Variants in MND1 observed in about 807,000 individuals in gnomAD.
MND1 encodes meiotic nuclear divisions 1, also known as meiotic nuclear division protein 1 homolog.
In MND1, 28 loss-of-function variants were observed where a neutral mutation model predicts 35.1. The ratio of observed to expected loss-of-function variants is 0.80; its 90% CI spans 0.59 to 1.09. The LOEUF is 1.09. Among genes scored for constraint, MND1 ranks in the 50% least tolerant of loss-of-function variants. The pLI, the probability that MND1 is intolerant of heterozygous loss-of-function variation, is 0.00. For synonymous variants in MND1, 69 were observed against 70.5 expected (o/e 0.98, Z 0.11); for missense variants, 213 against 239.6 (o/e 0.89, Z 0.73).
chr4:153,358,853 T>C (rs1265406094), intron 4 of MND1, among the ~76,000 whole-genome samples: 1 of 152,210 alleles, frequency 6.6e-6, no homozygotes, highest in Non-Finnish European at 1.5e-5. Flanking sequence ...GTTTTTATTG[T>C]TTTTTAATTT....
intron 4 of MND1, among the ~76,000 whole-genome samples, chr4:153,389,172 C>T (rs1006508230): frequency 7.9e-5 from 12 of 152,094 alleles, no homozygotes; most frequent in Non-Finnish European, 1.3e-4. Flanking sequence ...CAATCTAGTC[C>T]TTGGATTTAA....
At chr4:153,393,388 T>C (rs1729101486) in intron 4 of MND1, among the ~76,000 whole-genome samples, 1 of 140,036 alleles carries the variant, frequency 7.1e-6, no homozygotes, top group Admixed American at 7.0e-5. Context: ...TTTTTTTTTT[T>C]GAAACAGGGT....
intron 4 of MND1, among the ~76,000 whole-genome samples, chr4:153,384,508 G>A (rs1184530743): frequency 7.4e-6 from 1 of 135,940 alleles, no homozygotes; most frequent in Non-Finnish European, 1.5e-5. Context: ...GGCCAGGCTG[G>A]TCTCAAACTC....
chr4:153,345,576 A>T, intron 1 of MND1: 11 of 979,784 alleles, frequency 1.1e-5, no homozygotes, highest in Non-Finnish European at 1.3e-5. Context: ...TCAAAGTTTC[A>T]TGCCGTTTTT....
chr4:153,348,483 G>T (rs1045048364), intron 1 of MND1, among the ~76,000 whole-genome samples: 2 of 152,180 alleles, frequency 1.3e-5, no homozygotes, highest in African/African-American at 4.8e-5. Context: ...TGAGATCAAA[G>T]ATAAGATATT....
intron 4 of MND1, among the ~76,000 whole-genome samples, chr4:153,367,909 G>A (rs1237252247): frequency 6.6e-6 from 1 of 152,062 alleles, no homozygotes; most frequent in African/African-American, 2.4e-5. Context: ...TTGTGGTTTT[G>A]GCTTCCATTT....
At chr4:153,381,195 G>A (rs541616779) in intron 4 of MND1, among the ~76,000 whole-genome samples, 6 of 152,130 alleles carry the variant, frequency 3.9e-5, no homozygotes, top group South Asian at 2.1e-4. Flanking sequence ...CACTGCGCCC[G>A]GCCAGAGATT....
chr4:153,393,468 T>G (rs1027276176), intron 4 of MND1, among the ~76,000 whole-genome samples: 8 of 150,020 alleles, frequency 5.3e-5, no homozygotes, highest in African/African-American at 2.0e-4. Context: ...GCTCCCAGGC[T>G]CAAGCAGTCC....
intron 4 of MND1, among the ~76,000 whole-genome samples, chr4:153,362,183 G>A (rs1055236667): frequency 8.6e-5 from 13 of 152,010 alleles, no homozygotes; most frequent in Non-Finnish European, 1.9e-4. Context: ...ATTTCATTAT[G>A]GCTTCTATTG....
intron 7 of MND1, among the ~76,000 whole-genome samples, chr4:153,411,372 G>GA (rs1007836744): frequency 2.0e-5 from 3 of 151,782 alleles, no homozygotes; most frequent in Non-Finnish European, 2.9e-5. Context: ...TTCTTTAAAA[G>GA]AAAAAAATTA....
intron 7 of MND1, among the ~76,000 whole-genome samples, chr4:153,410,483 G>A (rs1407788760): frequency 1.3e-5 from 2 of 151,922 alleles, no homozygotes; most frequent in African/African-American, 2.4e-5. Context: ...TCAGAAAACC[G>A]CCACCTTCAC....
At chr4:153,409,055 C>A in intron 7 of MND1, 40 bp downstream of exon 7, 1 of 1,191,760 alleles carries the variant, frequency 8.4e-7, no homozygotes, top group South Asian at 2.4e-5. Flanking sequence ...TAGCTAAATT[C>A]CCTTCACACT....
At chr4:153,403,133 TA>T (rs796260900) in intron 6 of MND1, among the ~76,000 whole-genome samples, 10 of 146,214 alleles carry the variant, frequency 6.8e-5, no homozygotes, top group South Asian at 2.2e-4. Context: ...GAGAACCTTC[TA>T]AAAAAAAAAG....
At chr4:153,403,958 TG>T (rs1729413571) in intron 6 of MND1, among the ~76,000 whole-genome samples, 1 of 151,992 alleles carries the variant, frequency 6.6e-6, no homozygotes, top group Non-Finnish European at 1.5e-5. Context: ...GATTTCACCA[TG>T]TTACTCAGGC....
At chr4:153,373,118 C>A (rs987404517) in intron 4 of MND1, among the ~76,000 whole-genome samples, 2 of 150,998 alleles carry the variant, frequency 1.3e-5, no homozygotes, top group African/African-American at 4.9e-5. Context: ...ATAGTTGGGA[C>A]TTGCTTTTTT....
At chr4:153,349,601 G>T (rs779495246) in intron 1 of MND1, among the ~76,000 whole-genome samples, 1 of 152,172 alleles carries the variant, frequency 6.6e-6, no homozygotes, top group Non-Finnish European at 1.5e-5. Flanking sequence ...GTCTCCCCAA[G>T]ATGTGCTTCT....
intron 2 of MND1, among the ~76,000 whole-genome samples, chr4:153,354,669 A>AT (rs1230845866): frequency 2.6e-5 from 4 of 151,804 alleles, no homozygotes; most frequent in Non-Finnish European, 5.9e-5. Context: ...CACCCAGCTA[A>AT]TTTTTTTGAT....
intron 7 of MND1, among the ~76,000 whole-genome samples, chr4:153,413,127 A>G (rs1279864731): frequency 6.6e-6 from 1 of 152,072 alleles, no homozygotes; most frequent in Non-Finnish European, 1.5e-5. Context: ...CTCTTTAAAG[A>G]TCTGTTTCAA....
chr4:153,361,372 A>C, intron 4 of MND1: 3 of 434,018 alleles, frequency 6.9e-6, no homozygotes, highest in South Asian at 3.3e-5. Context: ...TTTTGCTATC[A>C]TTCTGATTGT....
Sources: gnomAD v4.1 joint callset for allele counts (sites outside exome capture counted in the v4.1 genomes callset) on GRCh38, gnomAD v4.1.1 for gene constraint, MANE v1.5 for transcripts, NCBI Gene and HGNC (gene_info 2026-07-23, HGNC 2026-07-21) for gene names.